NPRL3: variants seen among roughly 807,000 people sequenced by gnomAD.
NPRL3 encodes the protein NPR3 like, GATOR1 complex subunit, also known as GATOR1 complex protein NPRL3.
NPRL3 carries 23 observed loss-of-function variants against 57.2 expected under a neutral mutation model. The ratio of observed to expected loss-of-function variants is 0.40; its 90% CI spans 0.29 to 0.57. The LOEUF is 0.57. Among genes scored for constraint, NPRL3 ranks in the 20% least tolerant of loss-of-function variants. The pLI is 0.42. For synonymous variants in NPRL3, 333 were observed against 321.1 expected (o/e 1.04, Z -0.39); for missense variants, 691 against 767.1 (o/e 0.90, Z 1.17).
At chr16:134,124 T>C (rs192232545) in intron 2 of NPRL3, among the ~76,000 whole-genome samples, 1 of 152,084 alleles carries the variant, frequency 6.6e-6, no homozygotes, top group East Asian at 1.9e-4. Context: ...AGTGAGTATA[T>C]ACTGTTGGAA....
intron 8 of NPRL3, 46 bp from the exon 9 acceptor site, chr16:98,347 C>CTGCACCAGGTA (rs1567133557): frequency 1.3e-6 from 2 of 1,596,966 alleles, no homozygotes; most frequent in Non-Finnish European, 1.7e-6. Flanking sequence ...TGCAGGAACC[C>CTGCACCAGGTA]TGCACCGGGT....
intron 9 of NPRL3, among the ~76,000 whole-genome samples, chr16:95,350 T>TATACATACACACACACACACACAC (rs1223611120): frequency 2.7e-5 from 3 of 110,984 alleles, no homozygotes; most frequent in African/African-American, 1.1e-4. Context: ...TATATATATA[T>TATACATACACACACACACACACAC]ACACACACAC....
In NPRL3 at chr16:119,320, G is replaced by A. The variant is rs138059300; in HGVS notation, c.189-65C>T. 1.7e-4 allele frequency: 260 copies of A among 1,510,068 alleles called. No homozygotes were observed. In the East Asian group the frequency reaches 6.0e-3, roughly 35 times the overall value. 93.5% of individuals were successfully genotyped at this position (1,510,068 alleles called of 1,614,324 possible). On this transcript the variant is annotated intron_variant, in intron 3 of 13. Coordinates refer to ENST00000611875, the MANE Select transcript of NPRL3 (RefSeq NM_001077350.3). ...AAATACCACAGCACCATGCCCTGCT[G>A]GCCCCAGAGCGGAAGGGTCTCAGTA...
intron 3 of NPRL3, among the ~76,000 whole-genome samples, chr16:127,706 G>C (rs916909805): frequency 3.3e-5 from 5 of 150,180 alleles, no homozygotes; most frequent in East Asian, 2.0e-4. Flanking sequence ...CCAGGCTGGA[G>C]TGCAGTGGCA....
chr16:97,913 G>A (rs1470590287), intron 9 of NPRL3, among the ~76,000 whole-genome samples: 1 of 152,136 alleles, frequency 6.6e-6, no homozygotes, highest in Non-Finnish European at 1.5e-5. Flanking sequence ...ACCTCTCTGA[G>A]ACAGAAGAAC....
In NPRL3 at chr16:94,120, C is replaced by A. The variant is rs561583691; in HGVS notation, c.925-795G>T. On this transcript the variant is annotated intron_variant, in intron 9 of 13. Coordinates refer to ENST00000611875, the MANE Select transcript of NPRL3 (RefSeq NM_001077350.3). ...GTGTGGAGTCACTCAGCATGCCACC[C>A]CTACATACCCAAAGGCCCCAGGTCT... Among the ~76,000 whole-genome samples the A allele has an allele frequency of 6.6e-5, 10 of 152,192 alleles. No homozygotes were observed. In the South Asian group the frequency reaches 2.1e-3, roughly 32 times the overall value.
intron 7 of NPRL3, among the ~76,000 whole-genome samples, chr16:110,269 C>T (rs1331124383): frequency 2.0e-5 from 3 of 148,582 alleles, no homozygotes; most frequent in African/African-American, 7.4e-5. Flanking sequence ...AACTCCATCT[C>T]AAAAAAAAGA....
At position 127,476 on chromosome 16, in the gene NPRL3, C is replaced by T. The variant is rs190549768; in HGVS notation, c.188+3046G>A. On this transcript the variant is annotated intron_variant, in intron 3 of 13. Transcript: ENST00000611875. ...TCTCAAACATCTGGCCTCAAGTGAT[C>T]CCCCCGCCTTGGACACCCAAAGTGG... Among the ~76,000 whole-genome samples the T allele has an allele frequency of 2.7e-3, 408 of 152,124 alleles. 5 individuals are homozygous for T. The highest frequency in any genetic ancestry group is 0.01 in the Middle Eastern group (3 of 294).
At chr16:88,456 GGA>G (rs1898598864) in intron 13 of NPRL3, among the ~76,000 whole-genome samples, 2 of 151,996 alleles carry the variant, frequency 1.3e-5, no homozygotes, top group African/African-American at 4.8e-5. Context: ...AAGAAGTACT[GGA>G]GAGAGAAGAG....
chr16:133,539 T>C (rs1433444946), intron 2 of NPRL3, among the ~76,000 whole-genome samples: 2 of 151,838 alleles, frequency 1.3e-5, no homozygotes, highest in Non-Finnish European at 2.9e-5. Context: ...GTTGTTTGTT[T>C]GTTTGTTTGT....
chr16:88,311 G>C (rs1898588098), intron 13 of NPRL3, among the ~76,000 whole-genome samples: 1 of 150,530 alleles, frequency 6.6e-6, no homozygotes, highest in Non-Finnish European at 1.5e-5. Context: ...AACCCGGGAA[G>C]CGGAGCTTGC....
intron 2 of NPRL3, among the ~76,000 whole-genome samples, chr16:134,707 T>TA (rs1567150280): frequency 1.4e-5 from 2 of 141,322 alleles, no homozygotes; most frequent in African/African-American, 5.2e-5. Flanking sequence ...TTTTTTTTTT[T>TA]TTTTTTTTTT....
At position 100,465 on chromosome 16, in the gene NPRL3, A is replaced by C; in HGVS notation, c.674T>G (p.Leu225Arg). The C allele has an allele frequency of 6.2e-7, 1 of 1,605,456 alleles. No homozygotes were observed. Among genetic ancestry groups the C allele is most frequent in the Non-Finnish European group, 8.5e-7 (1 of 1,176,802 alleles). ...GVVRLHINSW[L>R]EVSFCLPHKI... ...GTGGGGCAGGCAGAAGCTCACCTCC[A>C]GCCAGCTGTTGATGTGAAGCCGAAC... Residue 225 changes from leucine to arginine, a missense_variant, in exon 8 of 14, where the codon CTG becomes CGG. By Grantham distance (102) the Leu-to-Arg change is moderately radical. Transcript: ENST00000611875.
At chr16:128,139 G>C (rs1900627751) in intron 3 of NPRL3, among the ~76,000 whole-genome samples, 1 of 151,966 alleles carries the variant, frequency 6.6e-6, no homozygotes, top group African/African-American at 2.4e-5. Flanking sequence ...TTACAGGCAT[G>C]TGCTCCCATG....
At chr16:88,625 G>A (rs1209916292) in intron 13 of NPRL3, 73 bp downstream of exon 13, 1 of 1,327,292 alleles carries the variant, frequency 7.5e-7, no homozygotes, top group Non-Finnish European at 1.0e-6. Flanking sequence ...TGGTTCTGTT[G>A]CGTACGTCCC....
At chr16:128,544 G>A (rs2562191) in intron 3 of NPRL3, among the ~76,000 whole-genome samples, 51,435 of 152,068 alleles carry the variant, frequency 0.34, 9,702 homozygotes, top group South Asian at 0.54. Flanking sequence ...CGAGGCTGGT[G>A]GATCACAAGG....
intron 5 of NPRL3, 145 bp downstream of exon 5, chr16:117,156 C>A: frequency 1.7e-6 from 1 of 599,696 alleles, no homozygotes. Flanking sequence ...AAGGGGTAAA[C>A]AATGAAGTGC....
chr16:138,346 G>A lies in NPRL3; in HGVS notation c.-67-12C>T, dbSNP rs1171470002. The A allele has an allele frequency of 8.2e-5, 71 of 864,086 alleles. No individual in the cohort carries two copies. The African/African-American group carries it at 9.3e-4, about 11-fold the overall frequency. 53.5% of individuals were successfully genotyped at this position (864,086 alleles called of 1,614,324 possible). On this transcript the variant is annotated splice_polypyrimidine_tract_variant and intron_variant, in intron 1 of 13. Transcript: ENST00000611875. ...GAGGCGGAGGGGGCCTGAGGAGGAC[G>A]GAGCCGGAGGCGGAGGGGGCCTGAG...
In NPRL3 at chr16:138,138, G is replaced by A. The variant is rs1901204995; in HGVS notation, c.118+12C>T. ...CCCGCGAGCGCCAGGCCCCCGCCCA[G>A]CGCTCACTTACTTGTCTGGGACGCC... On this transcript the variant is annotated intron_variant, in intron 2 of 13. Transcript: ENST00000611875. 6.3e-7 allele frequency: 1 copy of A among 1,582,800 alleles called. No individual in the cohort carries two copies. Among genetic ancestry groups the A allele is most frequent in the South Asian group, 1.2e-5 (1 of 86,600 alleles).
Sources: gnomAD v4.1 joint callset for allele counts (sites outside exome capture counted in the v4.1 genomes callset) on GRCh38, gnomAD v4.1.1 for gene constraint, MANE v1.5 for transcripts, NCBI Gene and HGNC (gene_info 2026-07-23, HGNC 2026-07-21) for gene names.